Variants in MRAP2 observed in about 807,000 individuals in gnomAD.
MRAP2 encodes melanocortin 2 receptor accessory protein 2, also known as melanocortin-2 receptor accessory protein 2.
MRAP2 carries 20 observed loss-of-function variants against 17.4 expected under a neutral mutation model. The ratio of observed to expected loss-of-function variants is 1.15; its 90% CI spans 0.81 to 1.67. MRAP2 has a LOEUF of 1.67. Among genes scored for constraint, MRAP2 ranks in the 40% most tolerant of loss-of-function variants. The pLI, the probability that MRAP2 is intolerant of heterozygous loss-of-function variation, is 0.00. For missense variants in MRAP2, 238 were observed against 240.0 expected, an observed-to-expected ratio of 0.99 and a Z score of 0.05; for synonymous variants, 96 against 88.4, an observed-to-expected ratio of 1.09 and a Z score of -0.48.
chr6:84,143,935 A>C, the MRAP2 span, among the ~76,000 whole-genome samples: 1 of 152,028 alleles, frequency 6.6e-6, no homozygotes, highest in Non-Finnish European at 1.5e-5. Flanking sequence ...TTACTTAGGA[A>C]AACTGAGTTT....
At chr6:84,036,140 A>T (rs564090859) in intron 1 of MRAP2, among the ~76,000 whole-genome samples, 2,706 of 149,144 alleles carry the variant, frequency 0.018, 68 homozygotes, top group African/African-American at 0.059. Context: ...TTTTTTTTTT[A>T]AATTTTTCTC....
In MRAP2 at chr6:84,073,606, C is replaced by T. The variant is rs150229081; in HGVS notation, c.227+10614C>T. ...GCAATCTAGTCCTGCCTCCCATCCA[C>T]CATGATGATTACTTCTGTTTATTTG... On this transcript the variant is annotated intron_variant, in intron 3 of 3. Transcript: ENST00000257776. 1.6e-3 allele frequency among the ~76,000 whole-genome samples: 245 copies of T among 152,334 alleles called. 1 individual carries two copies. Among genetic ancestry groups the T allele is most frequent in the East Asian group, 0.014 (71 of 5,184 alleles).
At chr6:84,139,544 A>G in the MRAP2 span, among the ~76,000 whole-genome samples, 1 of 152,190 alleles carries the variant, frequency 6.6e-6, no homozygotes, top group Non-Finnish European at 1.5e-5. Flanking sequence ...GGCAATGCAG[A>G]TGGGACTTTC....
the MRAP2 span, among the ~76,000 whole-genome samples, chr6:84,120,708 C>A: frequency 1.2e-4 from 19 of 152,182 alleles, no homozygotes; most frequent in African/African-American, 4.6e-4. Flanking sequence ...CCAGACATTG[C>A]TTGCATTTGG....
intron 3 of MRAP2, among the ~76,000 whole-genome samples, chr6:84,077,927 T>C (rs1045476688): frequency 6.6e-6 from 1 of 152,236 alleles, no homozygotes; most frequent in Non-Finnish European, 1.5e-5. Flanking sequence ...TGGCCATGTG[T>C]GGTTACTGAG....
chr6:84,127,293 TCTATGAAAACAC>T, the MRAP2 span, among the ~76,000 whole-genome samples: 1 of 151,994 alleles, frequency 6.6e-6, no homozygotes, highest in East Asian at 1.9e-4. Flanking sequence ...ACTCTTGTTT[TCTATGAAAACAC>T]CTATTAATAA....
chr6:84,074,553 C>T (rs2099497103), intron 3 of MRAP2, among the ~76,000 whole-genome samples: 1 of 152,192 alleles, frequency 6.6e-6, no homozygotes, highest in South Asian at 2.1e-4. Flanking sequence ...TAATTGCTGA[C>T]ACATGGAAGT....
chr6:84,123,842 A>C, the MRAP2 span, among the ~76,000 whole-genome samples: 4 of 152,280 alleles, frequency 2.6e-5, no homozygotes, highest in African/African-American at 9.6e-5. Flanking sequence ...ACTAATATTC[A>C]TCAGGTACAA....
the MRAP2 span, among the ~76,000 whole-genome samples, chr6:84,114,154 A>G: frequency 6.6e-6 from 1 of 152,116 alleles, no homozygotes; most frequent in Non-Finnish European, 1.5e-5. Flanking sequence ...ATTCTCCTGG[A>G]TAATATCCTG....
intron 1 of MRAP2, among the ~76,000 whole-genome samples, chr6:84,050,147 A>G (rs761989840): frequency 1.3e-5 from 2 of 152,174 alleles, no homozygotes; most frequent in Non-Finnish European, 1.5e-5. Context: ...GAGGAGAGAA[A>G]AATCCACGCC....
chr6:84,115,248 G>A, the MRAP2 span, among the ~76,000 whole-genome samples: 1 of 152,180 alleles, frequency 6.6e-6, no homozygotes, highest in Non-Finnish European at 1.5e-5. Context: ...TGGGGCTACT[G>A]CCTTTTTTTC....
chr6:84,082,073 AC>A (rs1413256943), intron 3 of MRAP2, among the ~76,000 whole-genome samples: 1 of 152,188 alleles, frequency 6.6e-6, no homozygotes, highest in African/African-American at 2.4e-5. Flanking sequence ...TCTCTGTGTG[AC>A]CCATACATTA....
chr6:84,139,947 G>GGTTCTCACCAGACTGGTGTGTTCACA, the MRAP2 span, among the ~76,000 whole-genome samples: 4 of 145,484 alleles, frequency 2.7e-5, no homozygotes, highest in African/African-American at 1.1e-4. Context: ...GTGTGTTCAC[G>GGTTCTCACCAGACTGGTGTGTTCACA]GTTCTCACCA....
At chr6:84,086,276 A>G (rs776820961) in intron 3 of MRAP2, among the ~76,000 whole-genome samples, 1 of 152,226 alleles carries the variant, frequency 6.6e-6, no homozygotes, top group Non-Finnish European at 1.5e-5. Context: ...CCTTAGCTAC[A>G]AGGAACAATA....
chr6:84,052,082 A>G (rs2497162), intron 1 of MRAP2, among the ~76,000 whole-genome samples: 33,777 of 152,064 alleles, frequency 0.22, 4,295 homozygotes, highest in African/African-American at 0.34. Context: ...TCTCTCCCTC[A>G]TGCTCCTGGA....
chr6:84,074,047 A>AG (rs1225095365), intron 3 of MRAP2, among the ~76,000 whole-genome samples: 1 of 152,162 alleles, frequency 6.6e-6, no homozygotes, highest in African/African-American at 2.4e-5. Context: ...TTCTTGCAAA[A>AG]GCTGGGCTCA....
chr6:84,114,346 T>C, the MRAP2 span, among the ~76,000 whole-genome samples: 2 of 152,116 alleles, frequency 1.3e-5, no homozygotes, highest in Non-Finnish European at 2.9e-5. Flanking sequence ...ATCTCTGATG[T>C]CCTTTCTTCC....
At chr6:84,049,939 A>G (rs1052650389) in intron 1 of MRAP2, among the ~76,000 whole-genome samples, 3 of 151,886 alleles carry the variant, frequency 2.0e-5, no homozygotes, top group African/African-American at 4.9e-5. Context: ...AAATGTGGGA[A>G]GTATGTCCAT....
the MRAP2 span, among the ~76,000 whole-genome samples, chr6:84,104,791 C>A: frequency 1.3e-5 from 2 of 152,102 alleles, no homozygotes; most frequent in African/African-American, 4.8e-5. Flanking sequence ...TGGCATGAAC[C>A]CAGGAGGCGG....
Sources: gnomAD v4.1 joint callset for allele counts (sites outside exome capture counted in the v4.1 genomes callset) on GRCh38, gnomAD v4.1.1 for gene constraint, MANE v1.5 for transcripts, NCBI Gene and HGNC (gene_info 2026-07-23, HGNC 2026-07-21) for gene names.